The following DOP1A variants were observed in gnomAD, a reference collection of about 807,000 sequenced individuals.
DOP1A encodes DOP1 leucine zipper like protein A.
Under a neutral mutation model 267.6 loss-of-function variants are expected in DOP1A, and 90 were observed. The observed-to-expected ratio is 0.34, with a 90% confidence interval of 0.28 to 0.40. The LOEUF (loss-of-function observed/expected upper bound fraction) is 0.40, where lower values mean the gene tolerates loss of function less well. DOP1A is among the 10% of genes least tolerant of loss of function. DOP1A has a pLI of 1.00. For synonymous variants in DOP1A, 932 were observed against 999.1 expected (o/e 0.93, Z 1.27); for missense variants, 2,437 against 2,900.4 (o/e 0.84, Z 3.67).
Position 83,148,863 on chromosome 6 carries a change from G to A in DOP1A, c.5837G>A (p.Gly1946Glu). Residue 1946 changes from glycine (G) to glutamate (E), a missense_variant and splice_region_variant, in exon 27 of 39, where the codon GGG becomes GAG. This residue lies in a region of DOP1A where 216 missense variants were observed against 283.3 expected (regional missense o/e 0.76). Transcript: ENST00000349129. ...GCTCCAGGGCAGTTTCTTATACTTG[G>A]GTAAGCAATTTCACTTAATATTATT... ...LPAPGQFLIL[G>E]VLNEFIMKNP... The A allele has an allele frequency of 6.7e-7, 1 of 1,499,398 alleles. No homozygotes were observed. Among genetic ancestry groups the A allele is most frequent in the Non-Finnish European group, 8.9e-7 (1 of 1,123,386 alleles). 92.9% of individuals were successfully genotyped at this position (1,499,398 alleles called of 1,614,324 possible).
rs1779130572 is a variant in DOP1A at position 83,138,200 on chromosome 6, T to C, written c.4158T>C (p.Ser1386=). The change falls in exon 21 of 39, where the codon TCT becomes TCC. Residue 1386 remains serine (S), a synonymous_variant. Coordinates refer to ENST00000349129, the MANE Select transcript of DOP1A (RefSeq NM_015018.4). ...CATCCAGGACTTTGTATGCTTTCTC[T>C]GCCATCAAAGCCATCTTGAAAACTA... ...YDSSRTLYAF[S]AIKAILKTNP... 1 of 1,613,840 alleles carries C rather than the reference T, an allele frequency of 6.2e-7. No homozygotes were observed. Among genetic ancestry groups the C allele is most frequent in the East Asian group, 2.2e-5 (1 of 44,870 alleles).
At chr6:83,145,692 A>G (rs745729962) in intron 25 of DOP1A, 34 bp downstream of exon 25, 4 of 1,598,840 alleles carry the variant, frequency 2.5e-6, no homozygotes, top group Non-Finnish European at 3.4e-6. Flanking sequence ...TGTGTTTACA[A>G]TTCTGTTTCA....
intron 37 of DOP1A, chr6:83,161,320 TA>T (rs1172044849): frequency 6.6e-6 from 1 of 152,256 alleles, no homozygotes; most frequent in East Asian, 1.9e-4. Flanking sequence ...TAAAAATCTA[TA>T]AAGTAGAAAG....
At chr6:83,136,460 A>G (rs1416452749) in intron 20 of DOP1A, among the ~76,000 whole-genome samples, 2 of 152,138 alleles carry the variant, frequency 1.3e-5, no homozygotes, top group African/African-American at 4.8e-5. Context: ...AAAGACTCTC[A>G]CATATGTCAT....
chr6:83,163,448 G>C (rs1784710557), intron 38 of DOP1A, among the ~76,000 whole-genome samples: 1 of 152,132 alleles, frequency 6.6e-6, no homozygotes, highest in Admixed American at 6.5e-5. Context: ...TAAAATATGA[G>C]TCAGATTTCA....
At position 83,157,246 on chromosome 6, in the gene DOP1A, T is replaced by C. The variant is rs1166139096; in HGVS notation, c.6669T>C (p.Phe2223=). 1.2e-6 allele frequency: 2 copies of C among 1,613,956 alleles called. No individual in the cohort carries two copies. Among genetic ancestry groups the C allele is most frequent in the African/African-American group, 2.7e-5 (2 of 74,930 alleles). Residue 2223 remains phenylalanine (F), a synonymous_variant, in exon 35 of 39, where the codon TTT becomes TTC. Coordinates refer to ENST00000349129, the MANE Select transcript of DOP1A (RefSeq NM_015018.4). ...CTCTCCATTCTCAAGTGTTCCTGTT[T>C]TTCAGAGTGTTACTTTTAAGAATGT... ...VPTLHSQVFL[F]FRVLLLRMSP...
chr6:83,087,133 G>A (rs995033181), intron 1 of DOP1A, among the ~76,000 whole-genome samples: 3 of 152,112 alleles, frequency 2.0e-5, no homozygotes, highest in African/African-American at 7.2e-5. Context: ...TATGGGTATA[G>A]GTGAAGATAG....
Position 83,097,037 on chromosome 6 carries a change from A to G in DOP1A, c.60A>G (p.Ala20=), listed in dbSNP as rs1771625849. 1 of 1,614,140 alleles carries G rather than the reference A, an allele frequency of 6.2e-7. No homozygotes were observed. The highest frequency in any genetic ancestry group is 8.5e-7 in the Non-Finnish European group (1 of 1,179,998). The change falls in exon 3 of 39, where the codon GCA becomes GCG. Residue 20 remains alanine, a synonymous_variant. Transcript: ENST00000349129. ...CCAAATACAGAAACTATGTAGCAGC[A>G]ATTGACAAAGCACTAAAGAATTTTG... The part of the protein sequence containing the change: ...SDSKYRNYVA[A]IDKALKNFEY...
At chr6:83,167,577 T>C in intron 38 of DOP1A, 1 of 1,103,098 alleles carries the variant, frequency 9.1e-7, no homozygotes, top group South Asian at 4.1e-5. Context: ...ATAAAACTTT[T>C]ATGTTTGACT....
At chr6:83,129,668 G>A (rs1777726761) in intron 16 of DOP1A, among the ~76,000 whole-genome samples, 160 bp downstream of exon 16, 1 of 152,066 alleles carries the variant, frequency 6.6e-6, no homozygotes, top group Admixed American at 6.6e-5. Context: ...ACTATGGGGA[G>A]ATTGATATAT....
chr6:83,160,255 C>T (rs1321103972), intron 37 of DOP1A, among the ~76,000 whole-genome samples: 1 of 152,134 alleles, frequency 6.6e-6, no homozygotes, highest in Admixed American at 6.5e-5. Context: ...GGCTCATGCA[C>T]AAGACACACT....
chr6:83,116,146 C>T (rs1055841082), intron 7 of DOP1A, among the ~76,000 whole-genome samples: 6 of 152,216 alleles, frequency 3.9e-5, no homozygotes, highest in South Asian at 4.2e-4. Flanking sequence ...TAGCATTTTC[C>T]GTTAAAATTA....
At chr6:83,092,046 T>G (rs1183219677) in intron 1 of DOP1A, among the ~76,000 whole-genome samples, 1 of 152,166 alleles carries the variant, frequency 6.6e-6, no homozygotes, top group Non-Finnish European at 1.5e-5. Context: ...TATGTCACTG[T>G]TGGTATTTAA....
chr6:83,138,915 T>A lies in DOP1A; in HGVS notation c.4873T>A (p.Ser1625Thr). 2 of 1,614,064 alleles carry A rather than the reference T, an allele frequency of 1.2e-6. No individual in the cohort carries two copies. Among genetic ancestry groups the A allele is most frequent in the Non-Finnish European group, 1.7e-6 (2 of 1,179,958 alleles). Residue 1625 changes from serine to threonine, a missense_variant, in exon 21 of 39, where the codon TCT becomes ACT. By Grantham distance (58) the Ser-to-Thr change is moderately conservative. Transcript: ENST00000349129. ...CATCAGTCCCCATCAACCCATGACT[T>A]CTCTTCAGTATTTGCATGCTCAGCC... ...EHISPHQPMT[S>T]LQYLHAQPIT...
rs1007553260 is a variant in DOP1A at position 83,130,046 on chromosome 6, G to GT, written c.2342-71dup. ...GGCCTTAAAAGTATTTAGTGGCTTT[G>GT]TTTTTTGAAATTAACTTAGAGTGTG... On this transcript the variant is annotated intron_variant, in intron 16 of 38. Coordinates refer to ENST00000349129, the MANE Select transcript of DOP1A (RefSeq NM_015018.4). 4.0e-5 allele frequency: 62 copies of GT among 1,533,312 alleles called. No individual in the cohort carries two copies. The Admixed American group carries it at 1.2e-3, about 29-fold the overall frequency. The allele number at this position is 1,533,312 out of a possible 1,614,324, so 95.0% of individuals were successfully genotyped here.
intron 3 of DOP1A, among the ~76,000 whole-genome samples, chr6:83,097,337 A>T (rs183091564): frequency 6.6e-6 from 1 of 152,358 alleles, no homozygotes; most frequent in Non-Finnish European, 1.5e-5. Context: ...CTTGAAAAAT[A>T]TAGTTATCGC....
At chr6:83,083,480 T>A (rs931573348) in intron 1 of DOP1A, among the ~76,000 whole-genome samples, 1 of 152,104 alleles carries the variant, frequency 6.6e-6, no homozygotes, top group Non-Finnish European at 1.5e-5. Context: ...GGAGTCAGTC[T>A]GCCAGAGTTC....
At chr6:83,085,786 ATGT>A (rs1769079956) in intron 1 of DOP1A, among the ~76,000 whole-genome samples, 1 of 128,518 alleles carries the variant, frequency 7.8e-6, no homozygotes, top group African/African-American at 3.7e-5. Flanking sequence ...ATTTTATGTT[ATGT>A]TATGTTATGT....
At chr6:83,144,259 G>A (rs2128291668) in intron 24 of DOP1A, among the ~76,000 whole-genome samples, 1 of 152,240 alleles carries the variant, frequency 6.6e-6, no homozygotes, top group South Asian at 2.1e-4. Context: ...GAATCTCTGG[G>A]ATAATGGTAA....
Sources: gnomAD v4.1 joint callset for allele counts (sites outside exome capture counted in the v4.1 genomes callset) on GRCh38, gnomAD v4.1.1 for gene constraint, gnomAD v4.1.1 regional missense constraint, MANE v1.5 for transcripts, NCBI Gene and HGNC (gene_info 2026-07-23, HGNC 2026-07-21) for gene names.